SLC23A2: variants seen among roughly 807,000 people sequenced by gnomAD.
SLC23A2 encodes the protein solute carrier family 23 member 2.
A neutral mutation model predicts 73.3 loss-of-function variants in SLC23A2; 36 were observed. That is an observed-to-expected ratio of 0.49 (90% CI 0.38 to 0.65). The LOEUF (loss-of-function observed/expected upper bound fraction) is 0.65. SLC23A2 is among the 30% of genes least tolerant of loss of function. The pLI is 0.00. For missense variants in SLC23A2, 507 were observed against 841.6 expected (o/e 0.60, Z 4.92); for synonymous variants, 343 against 327.3 (o/e 1.05, Z -0.52).
chr20:5,000,507 C>T (rs922549617), intron 1 of SLC23A2, among the ~76,000 whole-genome samples: 8 of 152,112 alleles, frequency 5.3e-5, no homozygotes, highest in East Asian at 1.9e-4. Context: ...GCATCTTCCC[C>T]CGCCCGTCTC....
chr20:4,918,189 G>C (rs1932390335), intron 3 of SLC23A2, among the ~76,000 whole-genome samples: 1 of 152,178 alleles, frequency 6.6e-6, no homozygotes, highest in South Asian at 2.1e-4. Context: ...GTAACTAATA[G>C]ATAACAGAAG....
At chr20:4,942,824 T>C (rs1260608068) in intron 2 of SLC23A2, among the ~76,000 whole-genome samples, 1 of 152,148 alleles carries the variant, frequency 6.6e-6, no homozygotes, top group East Asian at 1.9e-4. Flanking sequence ...AACCTGTCCT[T>C]TCATGATCAG....
intron 2 of SLC23A2, among the ~76,000 whole-genome samples, chr20:4,938,786 G>T (rs1481793122): frequency 6.6e-6 from 1 of 152,106 alleles, no homozygotes; most frequent in African/African-American, 2.4e-5. Flanking sequence ...CCCTTTCCCA[G>T]TCCCTCATGG....
At position 4,854,709 on chromosome 20, in the gene SLC23A2, G is replaced by A. The variant is rs550941149; in HGVS notation, c.*2263C>T. ...TCCTGATACAACCCGGCCCAAGGAG[G>A]GGCTTCAGAAGGGAGTGGGTTTCTG... On this transcript the variant is annotated 3_prime_UTR_variant, in exon 17 of 17. Transcript: ENST00000338244. 6.6e-6 allele frequency: 1 copy of A among 152,328 alleles called. No homozygotes were observed. Among genetic ancestry groups the A allele is most frequent in the African/African-American group, 2.4e-5 (1 of 41,562 alleles). 9.4% of individuals were successfully genotyped at this position (152,328 alleles called of 1,614,324 possible).
chr20:4,915,767 GCAAAACC>G (rs1263961258), intron 3 of SLC23A2, among the ~76,000 whole-genome samples: 1 of 152,070 alleles, frequency 6.6e-6, no homozygotes, highest in Non-Finnish European at 1.5e-5. Flanking sequence ...GGCCAACATG[GCAAAACC>G]CCATCTCTAC....
chr20:4,890,644 C>G (rs1204495759), intron 6 of SLC23A2, among the ~76,000 whole-genome samples: 1 of 151,858 alleles, frequency 6.6e-6, no homozygotes, highest in Non-Finnish European at 1.5e-5. Flanking sequence ...CAGAGCGAGA[C>G]TCCATCTCAA....
chr20:4,958,211 A>G (rs573533619), intron 2 of SLC23A2, among the ~76,000 whole-genome samples: 3 of 152,256 alleles, frequency 2.0e-5, no homozygotes, highest in Non-Finnish European at 4.4e-5. Context: ...ACTGGAGACC[A>G]TGCATGGTGC....
Position 4,899,279 on chromosome 20 carries a change from G to A in SLC23A2, c.482+276C>T, listed in dbSNP as rs1428335116. On this transcript the variant is annotated intron_variant, in intron 6 of 16. Coordinates refer to ENST00000338244, the MANE Select transcript of SLC23A2 (RefSeq NM_005116.6). This position sits in a 1 kb window ranked among gnomAD's most constrained non-coding sequence, Gnocchi z 4.9. ...AATAGGGGCACAGAGGGGTGCTGGG[G>A]AGCGAGCATGACTTGCCAAGGGGGC... Among the ~76,000 whole-genome samples, 1 of 152,140 alleles carries A rather than the reference G, an allele frequency of 6.6e-6. No homozygotes were observed. Among genetic ancestry groups the A allele is most frequent in the Non-Finnish European group, 1.5e-5 (1 of 68,028 alleles).
At chr20:4,887,066 T>A (rs774639397) in intron 6 of SLC23A2, among the ~76,000 whole-genome samples, 21 of 152,198 alleles carry the variant, frequency 1.4e-4, no homozygotes, top group Admixed American at 3.3e-4. Flanking sequence ...TGTTTAATCA[T>A]GCAATGACAT....
intron 2 of SLC23A2, among the ~76,000 whole-genome samples, chr20:4,935,280 A>G (rs987604220): frequency 6.6e-6 from 1 of 152,148 alleles, no homozygotes; most frequent in African/African-American, 2.4e-5. Context: ...TATCATTAAC[A>G]GTAAAAACTG....
At chr20:4,885,146 T>C (rs900004050) in intron 7 of SLC23A2, among the ~76,000 whole-genome samples, 3 of 152,200 alleles carry the variant, frequency 2.0e-5, no homozygotes, top group African/African-American at 7.2e-5. Context: ...ACAGCAAGGT[T>C]GCTGGACTGA....
At chr20:4,963,068 G>A (rs1481107508) in intron 2 of SLC23A2, among the ~76,000 whole-genome samples, 2 of 152,124 alleles carry the variant, frequency 1.3e-5, no homozygotes, top group African/African-American at 4.8e-5. Context: ...AATTAAGGCT[G>A]GAGGACACAG....
At chr20:4,892,546 ATTT>A (rs957627316) in intron 6 of SLC23A2, among the ~76,000 whole-genome samples, 14 of 152,254 alleles carry the variant, frequency 9.2e-5, no homozygotes, top group Admixed American at 8.5e-4. Context: ...ATGGTAACAA[ATTT>A]TTTTATTTGG....
intron 13 of SLC23A2, among the ~76,000 whole-genome samples, chr20:4,865,839 T>C (rs550536088): frequency 8.5e-5 from 13 of 152,156 alleles, no homozygotes; most frequent in Admixed American, 2.0e-4. Flanking sequence ...TTTTTTTTTA[T>C]TTTTTATTTT....
At chr20:4,926,495 T>C (rs927370710) in intron 3 of SLC23A2, among the ~76,000 whole-genome samples, 3 of 148,284 alleles carry the variant, frequency 2.0e-5, no homozygotes, top group Non-Finnish European at 4.5e-5. Context: ...CGATCGTTCA[T>C]CAGAATTTTT....
At chr20:4,885,957 G>T (rs373369467) in intron 6 of SLC23A2, 48 bp from the exon 7 acceptor site, 17 of 1,239,492 alleles carry the variant, frequency 1.4e-5, no homozygotes, top group Non-Finnish European at 1.9e-5. Context: ...GGGAACTACC[G>T]AGGTAGTTCA....
chr20:4,993,867 C>T lies in SLC23A2; in HGVS notation c.-282+7539G>A, dbSNP rs61591364. On this transcript the variant is annotated intron_variant, in intron 1 of 16. Coordinates refer to ENST00000338244, the MANE Select transcript of SLC23A2 (RefSeq NM_005116.6). ...GAGGCTTGAGCTCAAGAGTTCGAGA[C>T]CATCCTGACCAACACAGGAGACCCC... Among the ~76,000 whole-genome samples, 1,309 of 152,132 alleles carry T rather than the reference C, an allele frequency of 8.6e-3. 22 individuals are homozygous for T. The highest frequency in any genetic ancestry group is 0.028 in the African/African-American group (1,180 of 41,520).
rs567152090 is a variant in SLC23A2, at chr20:4,887,594, C to T, written c.483-1685G>A. Among the ~76,000 whole-genome samples the T allele has an allele frequency of 3.9e-4, 59 of 152,320 alleles. 1 individual carries two copies. The highest frequency in any genetic ancestry group is 1.3e-3 in the African/African-American group (53 of 41,554). ...CTGACCTTGGCATCCGACCTGGGCACCTTTCAGGGTGAGCATTTGGTGGCT... is the reference window on the plus strand; with the variant it reads ...CTGACCTTGGCATCCGACCTGGGCATCTTTCAGGGTGAGCATTTGGTGGCT... On this transcript the variant is annotated intron_variant, in intron 6 of 16. Transcript: ENST00000338244.
intron 3 of SLC23A2, among the ~76,000 whole-genome samples, chr20:4,914,085 T>C (rs1366781536): frequency 2.0e-5 from 3 of 151,644 alleles, no homozygotes; most frequent in Non-Finnish European, 4.4e-5. Context: ...ATTTAAAAAG[T>C]ATATTAAAAG....
Sources: allele counts gnomAD v4.1 joint callset (sites outside exome capture counted in the v4.1 genomes callset), GRCh38; gene constraint gnomAD v4.1.1; non-coding constraint Gnocchi (gnomAD v3.1); transcripts MANE v1.5; gene names NCBI Gene and HGNC (gene_info 2026-07-23, HGNC 2026-07-21).